SRGAP3: variants seen among roughly 807,000 people sequenced by gnomAD.
SRGAP3 encodes the protein SLIT-ROBO Rho GTPase-activating protein 3.
Under a neutral mutation model 121.1 loss-of-function variants are expected in SRGAP3, and 39 were observed. The observed-to-expected ratio is 0.32, with a 90% confidence interval of 0.25 to 0.42. The LOEUF is 0.42. SRGAP3 is among the 10% of genes least tolerant of loss of function. SRGAP3 has a pLI of 1.00. For synonymous variants in SRGAP3, 601 were observed against 570.0 expected (o/e 1.05, Z -0.77); for missense variants, 1,213 against 1,470.6 (o/e 0.82, Z 2.86).
chr3:9,167,277 A>G (rs1950822366), intron 1 of SRGAP3, among the ~76,000 whole-genome samples: 1 of 151,876 alleles, frequency 6.6e-6, no homozygotes, highest in Non-Finnish European at 1.5e-5. Flanking sequence ...CACAATTCCA[A>G]TTTGGATCAA....
chr3:9,328,737 C>G (rs1450162154), intron 2 of SRGAP3, among the ~76,000 whole-genome samples: 4 of 152,174 alleles, frequency 2.6e-5, no homozygotes, highest in Non-Finnish European at 5.9e-5. Context: ...GGACTCCAAC[C>G]CCAACCACCA....
chr3:9,058,147 G>A (rs376478481), intron 7 of SRGAP3, 104 bp downstream of exon 7: 64 of 1,261,414 alleles, frequency 5.1e-5, no homozygotes, highest in African/African-American at 3.2e-4. Flanking sequence ...GACCCCAGGC[G>A]TCGGATAGAA....
chr3:9,335,787 C>A (rs956770534), intron 1 of SRGAP3, among the ~76,000 whole-genome samples: 1 of 152,168 alleles, frequency 6.6e-6, no homozygotes, highest in Non-Finnish European at 1.5e-5. Flanking sequence ...AATATCAATG[C>A]CAAGGTACCA....
In SRGAP3 at chr3:8,990,581, C is replaced by G. The variant is rs146287162; in HGVS notation, c.2817G>C (p.Ser939=). The change falls in exon 21 of 22, where the codon TCG becomes TCC. Residue 939 remains serine, a synonymous_variant. Transcript: ENST00000383836. ...TGCTGTGCCTGGTGGAACCGCAGGT[C>G]GACCTCATCGAGTGCCCTTCGGAGA... The part of the protein sequence containing the change: ...KALSEGHSMR[S]TCGSTRHSSL... The G allele has an allele frequency of 9.4e-6, 15 of 1,593,910 alleles. No individual in the cohort carries two copies. The highest frequency in any genetic ancestry group is 1.3e-5 in the Non-Finnish European group (15 of 1,170,740).
intron 3 of SRGAP3, among the ~76,000 whole-genome samples, chr3:9,098,286 T>C (rs906419534): frequency 6.6e-6 from 1 of 152,222 alleles, no homozygotes; most frequent in African/African-American, 2.4e-5. Flanking sequence ...TTTGTTTTAA[T>C]TAATTTTTTT....
At chr3:9,084,370 G>T (rs761401557) in intron 3 of SRGAP3, among the ~76,000 whole-genome samples, 9 of 152,180 alleles carry the variant, frequency 5.9e-5, no homozygotes, top group Non-Finnish European at 1.2e-4. Context: ...GGATGGAAGA[G>T]AAAGACTTCT....
At chr3:9,124,377 G>A (rs185133249) in intron 2 of SRGAP3, among the ~76,000 whole-genome samples, 6 of 152,288 alleles carry the variant, frequency 3.9e-5, no homozygotes, top group Admixed American at 3.9e-4. Flanking sequence ...CTGAAGGGAG[G>A]TAGGGGTCTC....
intron 1 of SRGAP3, among the ~76,000 whole-genome samples, chr3:9,339,085 T>C (rs1955738516): frequency 6.6e-6 from 1 of 152,236 alleles, no homozygotes; most frequent in East Asian, 1.9e-4. Flanking sequence ...TTCTCCACAC[T>C]GGACCTCTGG....
chr3:9,042,730 T>C (rs990423432), intron 10 of SRGAP3, among the ~76,000 whole-genome samples: 5 of 152,190 alleles, frequency 3.3e-5, no homozygotes, highest in African/African-American at 1.2e-4. Flanking sequence ...AATTTTCAGG[T>C]AGACACAAGC....
intron 2 of SRGAP3, among the ~76,000 whole-genome samples, chr3:9,329,512 G>T (rs1955570753): frequency 6.6e-6 from 1 of 152,178 alleles, no homozygotes; most frequent in South Asian, 2.1e-4. Context: ...CCTCAGATGG[G>T]CCCCTCATCT....
At chr3:9,091,136 C>T (rs1947738707) in intron 3 of SRGAP3, among the ~76,000 whole-genome samples, 1 of 152,062 alleles carries the variant, frequency 6.6e-6, no homozygotes, top group South Asian at 2.1e-4. Context: ...ATGACACCAT[C>T]CTAAACAATC....
intron 2 of SRGAP3, among the ~76,000 whole-genome samples, chr3:9,113,717 C>T (rs1181041003): frequency 6.6e-6 from 1 of 152,012 alleles, no homozygotes; most frequent in African/African-American, 2.4e-5. Flanking sequence ...TTCCCCCATG[C>T]TGTTCTCATG....
chr3:9,272,139 C>T (rs1394548263), intron 3 of SRGAP3, among the ~76,000 whole-genome samples: 1 of 152,226 alleles, frequency 6.6e-6, no homozygotes. Flanking sequence ...TCATTCACAG[C>T]CCCCTGGATT....
At chr3:9,234,899 C>T (rs1953351650) in intron 1 of SRGAP3, among the ~76,000 whole-genome samples, 1 of 152,210 alleles carries the variant, frequency 6.6e-6, no homozygotes, top group Non-Finnish European at 1.5e-5. Flanking sequence ...CCCTTTAGCA[C>T]TTGCTGCCAA....
At chr3:9,300,586 A>G (rs1955039102) in intron 3 of SRGAP3, among the ~76,000 whole-genome samples, 1 of 152,136 alleles carries the variant, frequency 6.6e-6, no homozygotes, top group African/African-American at 2.4e-5. Context: ...TGAGCCAGCA[A>G]AGCATGGCAT....
At chr3:9,136,394 ACCCCCCCC>A (rs71049774) in intron 1 of SRGAP3, among the ~76,000 whole-genome samples, 1 of 35,326 alleles carries the variant, frequency 2.8e-5, no homozygotes, top group African/African-American at 1.4e-4. Flanking sequence ...CGTCGCTGGG[ACCCCCCCC>A]CCCCCCGACC....
chr3:9,029,110 C>T lies in SRGAP3; in HGVS notation c.1540-2115G>A, dbSNP rs73811403. On this transcript the variant is annotated intron_variant, in intron 12 of 21. Coordinates refer to ENST00000383836, the MANE Select transcript of SRGAP3 (RefSeq NM_014850.4). ...TACCTGACATGCTGACTAAATCTACCAGAATCCCAGAACTGAGCAAACAGC... is the reference window on the plus strand; with the variant it reads ...TACCTGACATGCTGACTAAATCTACTAGAATCCCAGAACTGAGCAAACAGC... Among the ~76,000 whole-genome samples, 655 of 152,264 alleles carry T rather than the reference C, an allele frequency of 4.3e-3. 6 individuals are homozygous for T. Among genetic ancestry groups the T allele is most frequent in the African/African-American group, 0.015 (639 of 41,546 alleles).
At chr3:9,187,606 A>C (rs1951638221) in intron 1 of SRGAP3, among the ~76,000 whole-genome samples, 1 of 152,098 alleles carries the variant, frequency 6.6e-6, no homozygotes. Context: ...CCCTTTGTGC[A>C]CACCACCAGC....
chr3:9,013,388 A>G lies in SRGAP3; in HGVS notation c.2067T>C (p.His689=), dbSNP rs774507828. The change falls in exon 17 of 22, where the codon CAT becomes CAC. Residue 689 remains histidine, a synonymous_variant. Transcript: ENST00000383836. ...INEVIKTIII[H]HEAIFPSPRE... ...GGGGGCTGGGGAAGATGGCTTCATG[A>G]TGGATGATGATGGTTTTGATGACTT... is the stretch of plus-strand genomic sequence containing the variant. The G allele has an allele frequency of 5.0e-6, 8 of 1,613,906 alleles. No individual in the cohort carries two copies. The East Asian group carries it at 1.8e-4, about 36-fold the overall frequency.
Sources: gnomAD v4.1 joint callset for allele counts (sites outside exome capture counted in the v4.1 genomes callset) on GRCh38, gnomAD v4.1.1 for gene constraint, MANE v1.5 for transcripts, NCBI Gene and HGNC (gene_info 2026-07-23, HGNC 2026-07-21) for gene names.